The following ALPK1 variants were observed in gnomAD, a reference collection of about 807,000 sequenced individuals.
ALPK1 encodes the protein alpha kinase 1.
Under a neutral mutation model 120.6 loss-of-function variants are expected in ALPK1, and 110 were observed. The observed-to-expected ratio is 0.91, with a 90% CI of 0.78 to 1.07. The LOEUF (loss-of-function observed/expected upper bound fraction) is 1.07. ALPK1 is among the 50% of genes least tolerant of loss of function. The probability of loss-of-function intolerance (pLI) is 0.00; values close to 1 mark genes in which losing one functional copy is unlikely to be tolerated. For synonymous variants in ALPK1, 582 were observed against 560.3 expected (o/e 1.04, Z -0.55); for missense variants, 1,498 against 1,483.9 (o/e 1.01, Z -0.16).
intron 2 of ALPK1, among the ~76,000 whole-genome samples, chr4:112,341,841 G>T (rs751318925): frequency 1.3e-5 from 2 of 152,138 alleles, no homozygotes; most frequent in Admixed American, 1.3e-4. Flanking sequence ...ACAAAATTAC[G>T]TTTGGTATTA....
chr4:112,356,193 G>T (rs1213548949), intron 2 of ALPK1: 2 of 1,606,652 alleles, frequency 1.2e-6, no homozygotes, highest in Admixed American at 3.3e-5. Flanking sequence ...CCCTACAAAT[G>T]CCAACAGGAG....
rs983890948 is a variant in ALPK1, at chr4:112,429,352, G to T, written c.900+99G>T. ...AGGGAAAGGTTTAACCTTCAAACAG[G>T]CTTTGTGTCTCATCAGTGGCAATTG... On this transcript the variant is annotated intron_variant, in intron 10 of 15. Coordinates refer to ENST00000650871, the MANE Select transcript of ALPK1 (RefSeq NM_025144.4). 4 of 911,438 alleles carry T rather than the reference G, an allele frequency of 4.4e-6. No individual in the cohort carries two copies. The African/African-American group carries it at 6.6e-5, about 15-fold the overall frequency. The allele number at this position is 911,438 out of a possible 1,614,324, so 56.5% of individuals were successfully genotyped here.
intron 2 of ALPK1, among the ~76,000 whole-genome samples, chr4:112,360,484 A>G (rs1487156909): frequency 6.6e-6 from 1 of 152,208 alleles, no homozygotes; most frequent in Non-Finnish European, 1.5e-5. Context: ...GGTTGGTTCC[A>G]TATCTTGGCT....
Position 112,305,827 on chromosome 4 carries a change from A to C in ALPK1, c.-153+8358A>C, listed in dbSNP as rs1468712445. On this transcript the variant is annotated intron_variant, in intron 1 of 15. Coordinates refer to ENST00000650871, the MANE Select transcript of ALPK1 (RefSeq NM_025144.4). The stretch of plus-strand genomic sequence containing the variant: ...AGAGAAGGCATCCCTGTCTTGTGCC[A>C]GTTTTCAAAGGGAATGCTTCCAGTT... Among the ~76,000 whole-genome samples, 3 of 152,186 alleles carry C rather than the reference A, an allele frequency of 2.0e-5. No homozygotes were observed. In the South Asian group the frequency reaches 6.2e-4, roughly 32 times the overall value.
intron 2 of ALPK1, among the ~76,000 whole-genome samples, chr4:112,348,372 C>T (rs745694871): frequency 6.6e-5 from 10 of 152,358 alleles, no homozygotes; most frequent in Non-Finnish European, 1.5e-4. Flanking sequence ...CTGTGCTTTG[C>T]ACAAGCCATG....
At chr4:112,337,233 T>C (rs1042295813) in intron 2 of ALPK1, among the ~76,000 whole-genome samples, 2 of 152,206 alleles carry the variant, frequency 1.3e-5, no homozygotes, top group Non-Finnish European at 2.9e-5. Flanking sequence ...AGTTTTAGTT[T>C]GTCTCTCTTT....
chr4:112,370,614 G>A (rs1731363988), intron 2 of ALPK1, among the ~76,000 whole-genome samples: 1 of 152,216 alleles, frequency 6.6e-6, no homozygotes, highest in Non-Finnish European at 1.5e-5. Context: ...CAGGACTGTT[G>A]CCTGAAGGAA....
At chr4:112,406,699 C>G (rs1318672856) in intron 4 of ALPK1, among the ~76,000 whole-genome samples, 1 of 152,152 alleles carries the variant, frequency 6.6e-6, no homozygotes, top group Non-Finnish European at 1.5e-5. Flanking sequence ...AGAAATATTA[C>G]TCTAACCTTT....
intron 1 of ALPK1, among the ~76,000 whole-genome samples, chr4:112,309,183 T>C (rs1052195275): frequency 2.0e-5 from 3 of 152,148 alleles, no homozygotes; most frequent in African/African-American, 7.2e-5. Context: ...CCAGTTAGGC[T>C]ACTTGGGGGT....
intron 4 of ALPK1, 150 bp from the exon 5 acceptor site, chr4:112,411,673 TTTTC>T: frequency 1.5e-6 from 1 of 674,764 alleles, no homozygotes; most frequent in African/African-American, 1.8e-5. Context: ...GACTTTTCTA[TTTTC>T]TTTCTTTCGG....
At chr4:112,415,543 G>A (rs1460711705) in intron 5 of ALPK1, among the ~76,000 whole-genome samples, 6 of 151,784 alleles carry the variant, frequency 4.0e-5, no homozygotes, top group Admixed American at 6.6e-5. Context: ...AGGCTGAGGC[G>A]GGAGAATTGC....
chr4:112,356,013 G>A, intron 2 of ALPK1: 1 of 671,494 alleles, frequency 1.5e-6, no homozygotes. Context: ...GTCCCAGTGT[G>A]CATGCTCGCA....
intron 2 of ALPK1, chr4:112,357,553 A>C (rs1730692348): frequency 1.7e-6 from 2 of 1,197,682 alleles, no homozygotes; most frequent in Admixed American, 3.7e-5. Flanking sequence ...CATCCTCACC[A>C]GTGGCACACT....
At chr4:112,358,606 G>A (rs1730760127) in intron 2 of ALPK1, 1 of 723,904 alleles carries the variant, frequency 1.4e-6, no homozygotes, top group South Asian at 1.5e-5. Flanking sequence ...CCGCCCTGGA[G>A]CACAGCGAAC....
chr4:112,334,170 C>T (rs141918176), intron 2 of ALPK1, among the ~76,000 whole-genome samples: 3,413 of 152,140 alleles, frequency 0.022, 125 homozygotes, highest in African/African-American at 0.074. Flanking sequence ...CAGTGGCTCA[C>T]GCCTGTAATC....
intron 11 of ALPK1, among the ~76,000 whole-genome samples, chr4:112,433,255 A>C (rs187810099): frequency 1.6e-3 from 249 of 152,328 alleles, no homozygotes; most frequent in African/African-American, 5.8e-3. Context: ...ATAATTCTGG[A>C]GCCTGGAAGT....
At chr4:112,356,583 A>C in intron 2 of ALPK1, 1 of 789,840 alleles carries the variant, frequency 1.3e-6, no homozygotes, top group Middle Eastern at 2.3e-4. Context: ...TGAGGTGAAG[A>C]AGCAGGAGAG....
rs954656604 is a variant in ALPK1 at position 112,356,149 on chromosome 4, C to T, written c.-100-21529C>T. The T allele has an allele frequency of 6.9e-6, 11 of 1,603,114 alleles. No individual in the cohort carries two copies. The East Asian group carries it at 2.0e-4, about 29-fold the overall frequency. Reference sequence around the variant, plus strand: ...AACAGGCTGATATGCCCAAGATAGTCCTGAATGGTGTGACCGTAGACTTCC... The same window carrying T: ...AACAGGCTGATATGCCCAAGATAGTTCTGAATGGTGTGACCGTAGACTTCC... On this transcript the variant is annotated intron_variant, in intron 2 of 15. Coordinates refer to ENST00000650871, the MANE Select transcript of ALPK1 (RefSeq NM_025144.4).
chr4:112,336,499 T>C (rs1431071531), intron 2 of ALPK1, among the ~76,000 whole-genome samples: 2 of 152,224 alleles, frequency 1.3e-5, no homozygotes, highest in Non-Finnish European at 2.9e-5. Flanking sequence ...AATTAATGAA[T>C]GAAATTTAGC....
Sources: allele counts gnomAD v4.1 joint callset (sites outside exome capture counted in the v4.1 genomes callset), GRCh38; gene constraint gnomAD v4.1.1; transcripts MANE v1.5; gene names NCBI Gene and HGNC (gene_info 2026-07-23, HGNC 2026-07-21).